Variants in LONP1 observed in about 807,000 individuals in gnomAD.
The protein encoded by LONP1 is lon protease homolog, mitochondrial.
In LONP1, 31 loss-of-function variants were observed where a neutral mutation model predicts 98.5. That is an observed-to-expected ratio of 0.31 (90% CI 0.24 to 0.42). The LOEUF (loss-of-function observed/expected upper bound fraction) is 0.42, where lower values mean the gene tolerates loss of function less well. LONP1 is among the 20% of genes least tolerant of loss of function. The pLI is 1.00. For missense variants in LONP1, 1,336 were observed against 1,350.6 expected, an observed-to-expected ratio of 0.99 and a Z score of 0.17; for synonymous variants, 781 against 594.7, an observed-to-expected ratio of 1.31 and a Z score of -4.56.
chr19:5,691,950 AG>A lies in LONP1; in HGVS notation c.*81del. On this transcript the variant is annotated 3_prime_UTR_variant, in exon 18 of 18. Transcript: ENST00000360614. ...CTGCTCGCTCGGTGGCTCCACTGCCAGGTCCGGGCGCGCTCCCCACAGCGCT... is the reference window on the plus strand; with the variant it reads ...CTGCTCGCTCGGTGGCTCCACTGCCAGTCCGGGCGCGCTCCCCACAGCGCT... 4 of 881,038 alleles carry A rather than the reference AG, an allele frequency of 4.5e-6. No individual in the cohort carries two copies. The highest frequency in any genetic ancestry group is 6.5e-6 in the Non-Finnish European group (4 of 614,448). 54.6% of individuals were successfully genotyped at this position (881,038 alleles called of 1,614,324 possible). A position where few individuals can be genotyped will look rare whatever the true frequency, so the allele number is the denominator to read the frequency against.
Position 5,708,468 on chromosome 19 carries a change from G to GGGGGGGGGGGC in LONP1, c.871-66_871-65insGCCCCCCCCCC. 9.1e-6 allele frequency: 5 copies of GGGGGGGGGGGC among 551,258 alleles called. No homozygotes were observed. In the East Asian group the frequency reaches 1.4e-4, roughly 16 times the overall value. The allele number at this position is 551,258 out of a possible 1,614,324, so 34.1% of individuals were successfully genotyped here. A position where few individuals can be genotyped will look rare whatever the true frequency, so the allele number is the denominator to read the frequency against. On this transcript the variant is annotated intron_variant, in intron 4 of 17. Coordinates refer to ENST00000360614, the MANE Select transcript of LONP1 (RefSeq NM_004793.4). ...CTCCAGCAGGGGGTGGGCTGGGTGG[G>GGGGGGGGGGGC]AGCATGGCCCTGGGAGCCCCACCCA...
chr19:5,698,697 T>C (rs545290619), intron 10 of LONP1, among the ~76,000 whole-genome samples: 1 of 152,292 alleles, frequency 6.6e-6, no homozygotes, highest in South Asian at 2.1e-4. Context: ...GACCAGCATC[T>C]GCACGGCAAA....
At chr19:5,706,572 A>G (rs1292616777) in intron 7 of LONP1, among the ~76,000 whole-genome samples, 1 of 151,980 alleles carries the variant, frequency 6.6e-6, no homozygotes, top group Non-Finnish European at 1.5e-5. Flanking sequence ...GCGCCATTGC[A>G]CTCCAGCCTA....
chr19:5,719,733 C>G lies in LONP1; in HGVS notation c.400G>C (p.Val134Leu), dbSNP rs199752759. The G allele has an allele frequency of 3.1e-6, 5 of 1,613,880 alleles. No homozygotes were observed. The East Asian group carries it at 6.7e-5, about 22-fold the overall frequency. The change falls in exon 1 of 18, where the codon GTG (valine) becomes CTG (leucine). Residue 134 changes from valine to leucine, a missense_variant. Val to Leu is a conservative substitution (Grantham distance 32). Around this residue, in one of 5 missense-constraint regions of LONP1, gnomAD observed 457 missense variants for 403.1 expected, o/e 1.13. Transcript: ENST00000360614. ...ATAATCTTGATAAAGCGCGGGAACA[C>G]CGGGTTGCGGGTGATGGCGATGAGC... ...LPLIAITRNP[V>L]FPRFIKIIEV...
At chr19:5,710,799 G>A (rs1473762278) in intron 4 of LONP1, among the ~76,000 whole-genome samples, 1 of 152,118 alleles carries the variant, frequency 6.6e-6, no homozygotes, top group Non-Finnish European at 1.5e-5. Context: ...GCTGAGGTGG[G>A]CGGATCACCC....
upstream of LONP1, chr19:5,720,335 C>G: frequency 1.3e-6 from 1 of 770,056 alleles, no homozygotes; most frequent in Non-Finnish European, 1.9e-6. Context: ...ACTTTATGCG[C>G]TGAAGGCCTT....
chr19:5,701,915 A>T (rs1404638238), intron 8 of LONP1, among the ~76,000 whole-genome samples: 2 of 148,954 alleles, frequency 1.3e-5, no homozygotes, highest in Non-Finnish European at 3.0e-5. Flanking sequence ...CCTGTCTGGG[A>T]TATGAGGAGC....
intron 13 of LONP1, 73 bp from the exon 14 acceptor site, chr19:5,694,974 A>G (rs1192096004): frequency 4.0e-6 from 6 of 1,515,226 alleles, no homozygotes; most frequent in Non-Finnish European, 4.5e-6. Context: ...CTGGGAGCCA[A>G]TGCCTCTCCC....
In LONP1 at chr19:5,698,126, T is replaced by G. The variant is rs1171647605; in HGVS notation, c.1685+901A>C. Among the ~76,000 whole-genome samples the G allele has an allele frequency of 1.0e-4, 4 of 39,122 alleles. No homozygotes were observed. In the East Asian group the frequency reaches 2.6e-3, roughly 26 times the overall value. The allele number at this position is 39,122 out of a possible 152,430, so 25.7% of individuals were successfully genotyped here. A position where few individuals can be genotyped will look rare whatever the true frequency, so the allele number is the denominator to read the frequency against. ...TCCCCAAAGCTGCACTGGCCCCACCTCCTCCAGCTCCTCCCAACTCCCGGC... is the reference window on the plus strand; with the variant it reads ...TCCCCAAAGCTGCACTGGCCCCACCGCCTCCAGCTCCTCCCAACTCCCGGC... On this transcript the variant is annotated intron_variant, in intron 10 of 17. Coordinates refer to ENST00000360614, the MANE Select transcript of LONP1 (RefSeq NM_004793.4).
At chr19:5,693,915 A>G (rs2145577788) in intron 15 of LONP1, 146 bp from the exon 16 acceptor site, 1 of 695,816 alleles carries the variant, frequency 1.4e-6, no homozygotes, top group East Asian at 2.7e-5. Flanking sequence ...ATCGTGAGCC[A>G]ACGCTGGCCT....
intron 4 of LONP1, among the ~76,000 whole-genome samples, chr19:5,710,379 C>T (rs990369934): frequency 2.6e-5 from 4 of 151,766 alleles, no homozygotes; most frequent in African/African-American, 9.7e-5. Flanking sequence ...GTGAGCCCAC[C>T]GTGCCCGGCC....
At chr19:5,699,513 G>A (rs551852717) in intron 9 of LONP1, among the ~76,000 whole-genome samples, 38 of 151,848 alleles carry the variant, frequency 2.5e-4, no homozygotes, top group African/African-American at 7.3e-4. Context: ...CACTCTCTCC[G>A]GTCCAACCCA....
chr19:5,692,368 G>A (rs566962809), intron 17 of LONP1, 160 bp from the exon 18 acceptor site: 20 of 628,926 alleles, frequency 3.2e-5, no homozygotes, highest in African/African-American at 3.7e-5. Context: ...CGTCTCCCAC[G>A]GGGAAACAGG....
chr19:5,712,489 C>T (rs369906824), intron 3 of LONP1: 1 of 180,134 alleles, frequency 5.6e-6, no homozygotes, highest in Non-Finnish European at 1.2e-5. Context: ...GTCTGCGTCT[C>T]CCCTCAGAGC....
chr19:5,715,514 C>T (rs866465204), intron 1 of LONP1, among the ~76,000 whole-genome samples: 158 of 150,496 alleles, frequency 1.0e-3, no homozygotes, highest in African/African-American at 3.7e-3. Context: ...TGGTGGCGGG[C>T]ACCTGTAGTC....
At position 5,714,175 on chromosome 19, in the gene LONP1, A is replaced by G; in HGVS notation, c.518+8T>C. 1 of 1,610,040 alleles carries G rather than the reference A, an allele frequency of 6.2e-7. No individual in the cohort carries two copies. The highest frequency in any genetic ancestry group is 1.3e-5 in the African/African-American group (1 of 74,800). On this transcript the variant is annotated splice_region_variant and intron_variant, in intron 2 of 17. Coordinates refer to ENST00000360614, the MANE Select transcript of LONP1 (RefSeq NM_004793.4). Reference sequence around the variant, plus strand: ...TCAACAAGGGAATGAAGGAAAAATCACACTTACCTGTCATCTCTCTTTAGA... The same window carrying G: ...TCAACAAGGGAATGAAGGAAAAATCGCACTTACCTGTCATCTCTCTTTAGA...
intron 2 of LONP1, 48 bp downstream of exon 2, chr19:5,714,135 G>A (rs773344842): frequency 4.2e-6 from 6 of 1,438,178 alleles, no homozygotes; most frequent in South Asian, 3.5e-5. Flanking sequence ...TGGTGAGCTG[G>A]ACTCTAGGGC....
intron 1 of LONP1, among the ~76,000 whole-genome samples, chr19:5,717,146 C>A (rs1376835851): frequency 6.6e-6 from 1 of 152,166 alleles, no homozygotes. Context: ...ATGATTTATT[C>A]TTTAATACCC....
chr19:5,699,826 G>A (rs750921508), intron 9 of LONP1, among the ~76,000 whole-genome samples: 1 of 152,034 alleles, frequency 6.6e-6, no homozygotes, highest in Non-Finnish European at 1.5e-5. Context: ...CCCAAGTGCT[G>A]GGATTACAGG....
Sources: allele counts gnomAD v4.1 joint callset (sites outside exome capture counted in the v4.1 genomes callset), GRCh38; gene constraint gnomAD v4.1.1; regional missense constraint gnomAD v4.1.1; transcripts MANE v1.5; gene names NCBI Gene and HGNC (gene_info 2026-07-23, HGNC 2026-07-21).